RGPD4: variants seen among roughly 807,000 people sequenced by gnomAD.
RGPD4 encodes the protein ranBP2-like and GRIP domain-containing protein 4.
Under a neutral mutation model 141.1 loss-of-function variants are expected in RGPD4, and 84 were observed. The observed-to-expected ratio is 0.60, with a 90% CI of 0.50 to 0.71. The LOEUF (loss-of-function observed/expected upper bound fraction) is 0.71, where lower values mean the gene tolerates loss of function less well. Among genes scored for constraint, RGPD4 ranks in the 30% least tolerant of loss-of-function variants. The pLI, the probability that RGPD4 is intolerant of heterozygous loss-of-function variation, is 0.00. For missense variants in RGPD4, 918 were observed against 1,622.4 expected (o/e 0.57, Z 7.46); for synonymous variants, 298 against 566.8 (o/e 0.53, Z 6.74).
At position 107,858,627 on chromosome 2, in the gene RGPD4, G is replaced by A. The variant is rs369759764; in HGVS notation, c.1277-487G>A. 2.4e-3 allele frequency among the ~76,000 whole-genome samples: 349 copies of A among 146,000 alleles called. No homozygotes were observed. The East Asian group carries it at 0.031, about 13-fold the overall frequency. Reference sequence around the variant, plus strand: ...CTAATTTTTTGTATTTTTAGTAGAGGCGGAGTTTCACCATGCTGGCCAGGC... The same window carrying A: ...CTAATTTTTTGTATTTTTAGTAGAGACGGAGTTTCACCATGCTGGCCAGGC... On this transcript the variant is annotated intron_variant, in intron 9 of 22. Transcript: ENST00000408999.
chr2:107,829,472 TC>T (rs1681381141), intron 1 of RGPD4, among the ~76,000 whole-genome samples: 1 of 77,142 alleles, frequency 1.3e-5, no homozygotes, highest in African/African-American at 4.9e-5. Context: ...GGCGGCGGCC[TC>T]GATGGCTCAG....
At chr2:107,844,830 G>GTTT (rs1222283120) in intron 6 of RGPD4, among the ~76,000 whole-genome samples, 564 of 26,196 alleles carry the variant, frequency 0.022, 38 homozygotes, top group African/African-American at 0.026. Flanking sequence ...TTTCTTTTTT[G>GTTT]TTTTTTTTTT....
At chr2:107,834,024 G>A (rs972339259) in intron 1 of RGPD4, among the ~76,000 whole-genome samples, 2 of 151,456 alleles carry the variant, frequency 1.3e-5, no homozygotes, top group Non-Finnish European at 2.9e-5. Flanking sequence ...AAAAAGGAAG[G>A]GGGGAACAAG....
rs906549440 is a variant in RGPD4 at position 107,881,531 on chromosome 2, T to C, written c.5065-1141T>C. Among the ~76,000 whole-genome samples the C allele has an allele frequency of 8.8e-4, 134 of 151,570 alleles. 1 individual carries two copies. The highest frequency in any genetic ancestry group is 3.1e-3 in the African/African-American group (127 of 40,974). ...CATGGTTTCACCATGTTGGCCAGGA[T>C]GGTCTGAATCTCCTGACCTCGTGAT... On this transcript the variant is annotated intron_variant, in intron 21 of 22. Transcript: ENST00000408999.
At chr2:107,886,865 A>G (rs910710052) in intron 22 of RGPD4, among the ~76,000 whole-genome samples, 4 of 151,862 alleles carry the variant, frequency 2.6e-5, no homozygotes, top group African/African-American at 7.3e-5. Flanking sequence ...AAAGTTTATA[A>G]TAGTATTTTT....
intron 6 of RGPD4, among the ~76,000 whole-genome samples, chr2:107,847,006 C>T (rs893433974): frequency 1.2e-4 from 18 of 151,684 alleles, no homozygotes; most frequent in African/African-American, 4.4e-4. Context: ...CTTTGGGAGG[C>T]CAAGGCGGGT....
chr2:107,854,519 A>G (rs1479831914), intron 7 of RGPD4, 37 bp from the exon 8 acceptor site: 2 of 1,003,414 alleles, frequency 2.0e-6, no homozygotes, highest in East Asian at 2.6e-5. Context: ...AAGTATGGGT[A>G]TCATCAAATT....
intron 20 of RGPD4, among the ~76,000 whole-genome samples, chr2:107,878,023 G>T (rs1683139262): frequency 6.6e-6 from 1 of 151,048 alleles, no homozygotes; most frequent in African/African-American, 2.5e-5. Context: ...ATCTTGGCCA[G>T]GCTGGTCTTG....
intron 7 of RGPD4, among the ~76,000 whole-genome samples, chr2:107,849,333 C>T (rs1339456749): frequency 4.0e-5 from 4 of 99,848 alleles, no homozygotes; most frequent in Admixed American, 1.1e-4. Context: ...GGATTACAGG[C>T]GCGAGGCACT....
intron 1 of RGPD4, among the ~76,000 whole-genome samples, chr2:107,830,340 G>T (rs1230955930): frequency 7.1e-5 from 5 of 70,394 alleles, no homozygotes; most frequent in Non-Finnish European, 8.0e-5. Flanking sequence ...TTTTAAACAA[G>T]CTTAAAAAAA....
chr2:107,829,682 T>C (rs1350496874), intron 1 of RGPD4, among the ~76,000 whole-genome samples: 1 of 152,082 alleles, frequency 6.6e-6, no homozygotes, highest in Non-Finnish European at 1.5e-5. Context: ...GGAAGAGTCC[T>C]GGGGGGACCG....
At chr2:107,876,390 A>G (rs2104507937) in intron 20 of RGPD4, among the ~76,000 whole-genome samples, 1 of 151,150 alleles carries the variant, frequency 6.6e-6, no homozygotes, top group Admixed American at 6.6e-5. Flanking sequence ...CGCCTGGCTG[A>G]CACATGTCCT....
In RGPD4 at chr2:107,871,305, C is replaced by A. The variant is rs556511922; in HGVS notation, c.3301C>A (p.Arg1101=). The A allele has an allele frequency of 1.2e-6, 2 of 1,604,512 alleles. No homozygotes were observed. The highest frequency in any genetic ancestry group is 1.7e-5 in the Admixed American group (1 of 59,152). ...CAATGGCAAACCAAGAATGCTGATG[C>A]GAAGAGAACAAGTACTAAAAGTGTG... ...EVNGKPRMLM[R]REQVLKVCAN... is the part of the protein sequence containing the mutation. The change falls in exon 20 of 23, where the codon CGA becomes AGA. Residue 1101 remains arginine (R), a synonymous_variant. Transcript: ENST00000408999.
Position 107,884,347 on chromosome 2 carries a change from A to G in RGPD4, c.5266+1474A>G, listed in dbSNP as rs369571614. 5.3e-3 allele frequency among the ~76,000 whole-genome samples: 806 copies of G among 151,832 alleles called. 2 individuals carry two copies. Among genetic ancestry groups the G allele is most frequent in the African/African-American group, 8.8e-3 (363 of 41,312 alleles). On this transcript the variant is annotated intron_variant, in intron 22 of 22. Coordinates refer to ENST00000408999, the MANE Select transcript of RGPD4 (RefSeq NM_182588.3). The stretch of plus-strand genomic sequence containing the variant: ...AATCTCCTGACCTTGTGATCTGCCC[A>G]CCTTGGCCTCCCAAAGTGCTGGGAT...
chr2:107,872,757 A>G lies in RGPD4; in HGVS notation c.4753A>G (p.Thr1585Ala). Residue 1585 changes from threonine to alanine, a missense_variant, in exon 20 of 23, where the codon ACT becomes GCT. Transcript: ENST00000408999. ...ATCTTTGAAAAGTAACAACAGTGAA[A>G]CTAGTTCAGTAGCCCAGAGTGGATC... Reference protein sequence around the residue: ...NASLKSNNSETSSVAQSGSES... With the variant: ...NASLKSNNSEASSVAQSGSES... 6.2e-7 allele frequency: 1 copy of G among 1,611,582 alleles called. No homozygotes were observed. Among genetic ancestry groups the G allele is most frequent in the Non-Finnish European group, 8.5e-7 (1 of 1,179,862 alleles).
intron 22 of RGPD4, among the ~76,000 whole-genome samples, chr2:107,887,079 C>CA (rs1675535472): frequency 6.8e-6 from 1 of 146,980 alleles, no homozygotes; most frequent in Admixed American, 6.9e-5. Flanking sequence ...CCTATGTCTA[C>CA]AAAAATTTTA....
intron 1 of RGPD4, among the ~76,000 whole-genome samples, chr2:107,833,929 C>T (rs1487070993): frequency 6.6e-6 from 1 of 151,866 alleles, no homozygotes; most frequent in Non-Finnish European, 1.5e-5. Flanking sequence ...CCAGCTTGTA[C>T]CCGGGACGCA....
rs1682514923 is a variant in RGPD4 at position 107,860,828 on chromosome 2, G to A, written c.1821G>A (p.Trp607Ter). Residue 607 changes from tryptophan to a stop codon, truncating the protein, a stop_gained, in exon 13 of 23, where the codon TGG becomes TGA. Transcript: ENST00000408999. LOFTEE classifies it high-confidence loss of function. ...REYIGRSVHY[W>*]KKVLPLLKII... Reference sequence around the variant, plus strand: ...ACATAGGGAGAAGTGTTCATTATTGGAAGAAAGTTTTGCCATTGTTGAAGA... The same window carrying A: ...ACATAGGGAGAAGTGTTCATTATTGAAAGAAAGTTTTGCCATTGTTGAAGA... 1 of 1,608,234 alleles carries A rather than the reference G, an allele frequency of 6.2e-7. No individual in the cohort carries two copies. Among genetic ancestry groups the A allele is most frequent in the Non-Finnish European group, 8.5e-7 (1 of 1,179,118 alleles).
chr2:107,826,992 C>A lies in RGPD4; in HGVS notation c.-22C>A. 1.3e-6 allele frequency: 2 copies of A among 1,591,616 alleles called. No individual in the cohort carries two copies. The highest frequency in any genetic ancestry group is 2.3e-4 in the Middle Eastern group (1 of 4,416). On this transcript the variant is annotated 5_prime_UTR_variant, in exon 1 of 23. Transcript: ENST00000408999. Reference sequence around the variant, plus strand: ...GGCTGAGCGCTGGTTTCACGCGTCTCGGGAGCCAGGTTGGTGGCGCGATGA... The same window carrying A: ...GGCTGAGCGCTGGTTTCACGCGTCTAGGGAGCCAGGTTGGTGGCGCGATGA...
Sources: gnomAD v4.1 joint callset for allele counts (sites outside exome capture counted in the v4.1 genomes callset) on GRCh38, gnomAD v4.1.1 for gene constraint, MANE v1.5 for transcripts, NCBI Gene and HGNC (gene_info 2026-07-23, HGNC 2026-07-21) for gene names.